The following DOCK4 variants were observed in gnomAD, a reference collection of about 807,000 sequenced individuals.
DOCK4 encodes dedicator of cytokinesis protein 4.
Under a neutral mutation model 268.1 loss-of-function variants are expected in DOCK4, and 97 were observed. That is an observed-to-expected ratio of 0.36 (90% CI 0.31 to 0.43). DOCK4 has a LOEUF of 0.43. Among genes scored for constraint, DOCK4 ranks in the 20% least tolerant of loss-of-function variants. DOCK4 has a pLI of 1.00. For synonymous variants in DOCK4, 954 were observed against 887.2 expected (o/e 1.08, Z -1.34); for missense variants, 2,145 against 2,455.7 (o/e 0.87, Z 2.67).
intron 27 of DOCK4, 114 bp downstream of exon 27, chr7:111,822,248 A>T: frequency 1.3e-6 from 1 of 779,712 alleles, no homozygotes; most frequent in Non-Finnish European, 2.0e-6. Flanking sequence ...TTAAAGGCTT[A>T]ATTCAGAGGC....
intron 10 of DOCK4, among the ~76,000 whole-genome samples, chr7:111,943,452 C>A (rs964899232): frequency 2.6e-5 from 4 of 152,220 alleles, no homozygotes; most frequent in Admixed American, 1.3e-4. Context: ...TTTTCTCTTA[C>A]TGCTGTCAGA....
At chr7:112,130,469 G>T (rs2116088993) in intron 1 of DOCK4, among the ~76,000 whole-genome samples, 1 of 152,238 alleles carries the variant, frequency 6.6e-6, no homozygotes, top group East Asian at 1.9e-4. Flanking sequence ...AGATGTCATG[G>T]TTCTCCCAAT....
chr7:111,996,483 C>T (rs1158672759), intron 4 of DOCK4, among the ~76,000 whole-genome samples: 1 of 152,130 alleles, frequency 6.6e-6, no homozygotes, highest in Non-Finnish European at 1.5e-5. Flanking sequence ...ACAGGTAATA[C>T]CAAAACCCCA....
intron 1 of DOCK4, 87 bp downstream of exon 1, chr7:112,206,015 G>T: frequency 6.9e-7 from 1 of 1,445,800 alleles, no homozygotes; most frequent in Non-Finnish European, 9.5e-7. Flanking sequence ...TCAACCGGGC[G>T]GAGCGAGAGG....
intron 6 of DOCK4, among the ~76,000 whole-genome samples, chr7:111,987,648 C>T (rs1393154159): frequency 1.3e-5 from 2 of 152,134 alleles, no homozygotes; most frequent in African/African-American, 2.4e-5. Context: ...TTAGGAGGTG[C>T]TGTGTGTTTT....
chr7:112,169,256 G>A lies in DOCK4; in HGVS notation c.37+36846C>T, dbSNP rs531704964. ...CAGCCATGCTTCTAGTACAGCCTGT[G>A]GAATTGTGAGTCCATTAAACCTCTT... is the stretch of plus-strand genomic sequence containing the variant. On this transcript the variant is annotated intron_variant, in intron 1 of 52. Transcript: ENST00000428084. Among the ~76,000 whole-genome samples, 14 of 152,276 alleles carry A rather than the reference G, an allele frequency of 9.2e-5. 1 individual carries two copies. The South Asian group carries it at 2.9e-3, about 32-fold the overall frequency.
At chr7:111,855,660 T>C (rs1158726899) in intron 23 of DOCK4, among the ~76,000 whole-genome samples, 2 of 152,136 alleles carry the variant, frequency 1.3e-5, no homozygotes, top group African/African-American at 4.8e-5. Flanking sequence ...GCAGGTGGAA[T>C]GAGCCCCAAG....
intron 1 of DOCK4, among the ~76,000 whole-genome samples, chr7:112,145,526 C>T (rs2560640): frequency 0.22 from 34,152 of 152,108 alleles, 4,083 homozygotes; most frequent in African/African-American, 0.29. Flanking sequence ...TCCCAGTTTA[C>T]AGTGCTAAAG....
intron 46 of DOCK4, 106 bp downstream of exon 46, chr7:111,741,434 T>C (rs1795908589): frequency 8.7e-6 from 13 of 1,485,728 alleles, no homozygotes; most frequent in Non-Finnish European, 1.2e-5. Context: ...GTTATTTCAT[T>C]AAGAAATAGC....
chr7:112,114,094 G>T (rs1282924374), intron 1 of DOCK4, among the ~76,000 whole-genome samples: 1 of 152,008 alleles, frequency 6.6e-6, no homozygotes, highest in Non-Finnish European at 1.5e-5. Flanking sequence ...CATCCCCAAT[G>T]CAGGGGCCAA....
At position 111,833,050 on chromosome 7, in the gene DOCK4, C is replaced by T. The variant is rs558894469; in HGVS notation, c.2835+1538G>A. On this transcript the variant is annotated intron_variant, in intron 26 of 52. Transcript: ENST00000428084. The stretch of plus-strand genomic sequence containing the variant: ...CCCAGGCTCCATAAAAATATGTACG[C>T]TTTTCCTATGGGAAATTTTCAAATA... Among the ~76,000 whole-genome samples, 281 of 152,280 alleles carry T rather than the reference C, an allele frequency of 1.8e-3. 1 individual carries two copies. The highest frequency in any genetic ancestry group is 6.5e-3 in the African/African-American group (270 of 41,548).
chr7:112,206,114 T>C lies in DOCK4; in HGVS notation c.25A>G (p.Lys9Glu). 1 of 1,586,498 alleles carries C rather than the reference T, an allele frequency of 6.3e-7. No individual in the cohort carries two copies. Among genetic ancestry groups the C allele is most frequent in the Non-Finnish European group, 8.6e-7 (1 of 1,166,158 alleles). The change falls in exon 1 of 53, where the codon AAA becomes GAA. Residue 9 changes from lysine (K) to glutamate (E), a missense_variant. This residue lies in a region of DOCK4 where 1,598 missense variants were observed against 1,986.7 expected (regional missense o/e 0.80). Transcript: ENST00000428084. MWIPTEHE[K>E]YGVVIASFRG... ...CGCGGAGACTCACCCACGCCGTATT[T>C]CTCGTGCTCCGTAGGTATCCACATG... is the stretch of plus-strand genomic sequence containing the variant.
intron 25 of DOCK4, 72 bp from the exon 26 acceptor site, chr7:111,834,758 T>C (rs886168597): frequency 1.2e-5 from 12 of 998,978 alleles, no homozygotes; most frequent in Non-Finnish European, 1.7e-5. Context: ...TAACTTACAC[T>C]GAACTGTCCT....
chr7:111,850,958 T>G (rs1024099426), intron 23 of DOCK4, among the ~76,000 whole-genome samples: 1 of 152,198 alleles, frequency 6.6e-6, no homozygotes, highest in African/African-American at 2.4e-5. Context: ...TGTCATTAAT[T>G]ATTTTTTACT....
chr7:111,921,762 A>G (rs1793156987), intron 12 of DOCK4, among the ~76,000 whole-genome samples: 2 of 152,266 alleles, frequency 1.3e-5, no homozygotes, highest in East Asian at 3.9e-4. Context: ...TACTCCTACA[A>G]TTGCCACTGC....
At chr7:112,000,996 C>T (rs896621876) in intron 2 of DOCK4, among the ~76,000 whole-genome samples, 22 of 152,158 alleles carry the variant, frequency 1.4e-4, no homozygotes, top group Non-Finnish European at 1.5e-5. Context: ...CAGACTCTGC[C>T]ACCAAATAAT....
At chr7:111,762,762 C>CTTGTTTTTTTTTTTTTTTTTTTTT (rs1797505589) in intron 39 of DOCK4, among the ~76,000 whole-genome samples, 1 of 63,068 alleles carries the variant, frequency 1.6e-5, no homozygotes, top group Non-Finnish European at 3.0e-5. Flanking sequence ...GTTTTGTTTT[C>CTTGTTTTTTTTTTTTTTTTTTTTT]TTTTTTTTTT....
At chr7:111,838,453 C>T (rs1232223331) in intron 25 of DOCK4, among the ~76,000 whole-genome samples, 1 of 151,998 alleles carries the variant, frequency 6.6e-6, no homozygotes, top group Non-Finnish European at 1.5e-5. Context: ...TATATCCATA[C>T]AATGGAATAC....
intron 8 of DOCK4, among the ~76,000 whole-genome samples, chr7:111,947,247 T>A (rs947398480): frequency 1.3e-5 from 2 of 152,230 alleles, no homozygotes. Context: ...TAAGAGGAGA[T>A]ATGAGAACCA....
Sources: allele counts gnomAD v4.1 joint callset (sites outside exome capture counted in the v4.1 genomes callset), GRCh38; gene constraint gnomAD v4.1.1; regional missense constraint gnomAD v4.1.1; transcripts MANE v1.5; gene names NCBI Gene and HGNC (gene_info 2026-07-23, HGNC 2026-07-21).